The following RHBDF2 variants were observed in gnomAD, a reference collection of about 807,000 sequenced individuals.
RHBDF2 encodes the protein rhomboid 5 homolog 2.
RHBDF2 carries 38 observed loss-of-function variants against 95.2 expected under a neutral mutation model. The ratio of observed to expected loss-of-function variants is 0.40; its 90% CI spans 0.31 to 0.52. RHBDF2 has a LOEUF of 0.52. Ranked by LOEUF, RHBDF2 falls within the 20% of genes least tolerant of loss-of-function variation. The pLI is 0.56. For synonymous variants in RHBDF2, 442 were observed against 462.0 expected (o/e 0.96, Z 0.55); for missense variants, 863 against 1,137.7 (o/e 0.76, Z 3.47).
chr17:76,481,377 C>T lies in RHBDF2; in HGVS notation c.148G>A (p.Glu50Lys). 1 of 1,610,770 alleles carries T rather than the reference C, an allele frequency of 6.2e-7. No homozygotes were observed. Among genetic ancestry groups the T allele is most frequent in the Non-Finnish European group, 8.5e-7 (1 of 1,179,266 alleles). Residue 50 changes from glutamate (E) to lysine (K), a missense_variant and splice_region_variant, in exon 3 of 19, where the codon GAG becomes AAG. Glu to Lys is a moderately conservative substitution (Grantham distance 56). This residue lies in a region of RHBDF2 where 611 missense variants were observed against 725.5 expected (regional missense o/e 0.84). Coordinates refer to ENST00000675367, the MANE Select transcript of RHBDF2 (RefSeq NM_001005498.4). ...APGEQDSMLP[E>K]RKNPAYLKSV... ...AGCCCCCAGGCCAGCCCCCTTACCT[C>T]AGGCAGCATGCTGTCCTGCTCGCCA...
intron 1 of RHBDF2, among the ~76,000 whole-genome samples, chr17:76,491,310 G>A (rs2074293001): frequency 6.6e-6 from 1 of 152,186 alleles, no homozygotes; most frequent in South Asian, 2.1e-4. Flanking sequence ...GGCCATCCCA[G>A]CTGAGACCCC....
chr17:76,473,458 G>A (rs987990625), intron 15 of RHBDF2, 131 bp from the exon 16 acceptor site: 47 of 990,144 alleles, frequency 4.7e-5, no homozygotes, highest in Non-Finnish European at 5.2e-5. Context: ...CAGAACCTTC[G>A]ACTCTGGAGC....
chr17:76,485,325 C>T (rs1433409785), intron 2 of RHBDF2, among the ~76,000 whole-genome samples: 2 of 150,632 alleles, frequency 1.3e-5, no homozygotes, highest in East Asian at 3.9e-4. Context: ...GCAGGAGAAT[C>T]GCTTGAACCT....
In RHBDF2 at chr17:76,472,839, G is replaced by C; in HGVS notation, c.1911C>G (p.Gly637=). The C allele has an allele frequency of 6.3e-7, 1 of 1,587,494 alleles. No individual in the cohort carries two copies. ...RLWLSLFLHA[G]VVHCLVSVVF... The stretch of plus-strand genomic sequence containing the variant: ...CCACAGACACGAGGCAGTGCACCAC[G>C]CTGGGGGAGGGACACACCAGGCAGC... Residue 637 remains glycine, a splice_region_variant and synonymous_variant, in exon 18 of 19, where the codon GGC becomes GGG. Transcript: ENST00000675367.
At position 76,501,396 on chromosome 17, in the gene RHBDF2, C is replaced by A. The variant is rs569924131; in HGVS notation, c.-263G>T. The A allele has an allele frequency of 7.2e-5, 11 of 152,440 alleles. No homozygotes were observed. In the South Asian group the frequency reaches 2.0e-3, roughly 28 times the overall value. 9.4% of individuals were successfully genotyped at this position (152,440 alleles called of 1,614,324 possible). On this transcript the variant is annotated 5_prime_UTR_variant, in exon 1 of 19. Transcript: ENST00000675367. Reference sequence around the variant, plus strand: ...CCCCGGGACGCAACTCCGTGCGGCGCCTGCGAGCGGCTGGGCGGTGGCTCC... The same window carrying A: ...CCCCGGGACGCAACTCCGTGCGGCGACTGCGAGCGGCTGGGCGGTGGCTCC...
chr17:76,484,171 G>A (rs556313218), intron 2 of RHBDF2, among the ~76,000 whole-genome samples: 1 of 152,146 alleles, frequency 6.6e-6, no homozygotes, highest in Non-Finnish European at 1.5e-5. Flanking sequence ...GCTGAGGTAG[G>A]AGAATTGCTT....
Position 76,474,410 on chromosome 17 carries a change from T to A in RHBDF2, c.1427A>T (p.His476Leu), listed in dbSNP as rs759629234. ...CCGCTGGGTCTGGATGCATCCGGAG[T>A]GGTCATTCTGGACACAGCAGCCTGA... ...RDSGCCVQNDHSGCIQTQRKD... is the reference protein window; with the variant it reads ...RDSGCCVQNDLSGCIQTQRKD... Residue 476 changes from histidine to leucine, a missense_variant, in exon 12 of 19, where the codon CAC (histidine) becomes CTC (leucine). Physicochemically the swap from His to Leu is moderately conservative, Grantham distance 99. Coordinates refer to ENST00000675367, the MANE Select transcript of RHBDF2 (RefSeq NM_001005498.4). 26 of 1,613,286 alleles carry A rather than the reference T, an allele frequency of 1.6e-5. No homozygotes were observed. The South Asian group carries it at 2.6e-4, about 16-fold the overall frequency.
chr17:76,472,977 G>T, intron 17 of RHBDF2, 28 bp downstream of exon 17: 1 of 1,609,448 alleles, frequency 6.2e-7, no homozygotes, highest in South Asian at 1.1e-5. Flanking sequence ...ACAGGGGTCG[G>T]GTTCGGGGGC....
At chr17:76,498,951 G>A (rs2074508570) in intron 1 of RHBDF2, among the ~76,000 whole-genome samples, 1 of 151,948 alleles carries the variant, frequency 6.6e-6, no homozygotes, top group Non-Finnish European at 1.5e-5. Flanking sequence ...GGGGCTCTTG[G>A]GTGGGGCCTG....
At chr17:76,473,567 G>T in intron 15 of RHBDF2, 81 bp downstream of exon 15, 1 of 1,225,346 alleles carries the variant, frequency 8.2e-7, no homozygotes, top group Non-Finnish European at 1.2e-6. Flanking sequence ...GGGTGGTGAC[G>T]GTGGAGGAGC....
intron 2 of RHBDF2, among the ~76,000 whole-genome samples, chr17:76,483,334 G>A (rs2074026278): frequency 6.6e-6 from 1 of 151,050 alleles, no homozygotes; most frequent in Non-Finnish European, 1.5e-5. Context: ...CACCCAGATT[G>A]GAGTGCAGTG....
At chr17:76,493,349 C>G (rs2074353149) in intron 1 of RHBDF2, 1 of 152,340 alleles carries the variant, frequency 6.6e-6, no homozygotes, top group African/African-American at 2.4e-5. Flanking sequence ...TCTCCAGCCC[C>G]AGAGGCCCGG....
At chr17:76,479,906 G>C (rs1259305011) in intron 3 of RHBDF2, 52 bp from the exon 4 acceptor site, 1 of 1,603,054 alleles carries the variant, frequency 6.2e-7, no homozygotes, top group Admixed American at 1.7e-5. Flanking sequence ...CCCAGGTCCT[G>C]GGCTGGCTTT....
At chr17:76,474,865 C>T (rs113931747) in intron 10 of RHBDF2, 61 bp from the exon 11 acceptor site, 3 of 1,583,288 alleles carry the variant, frequency 1.9e-6, no homozygotes, top group African/African-American at 1.3e-5. Context: ...GCATGGGGAG[C>T]TGGGGCAGCT....
intron 3 of RHBDF2, 133 bp downstream of exon 3, chr17:76,481,242 G>A: frequency 3.8e-6 from 4 of 1,063,156 alleles, no homozygotes; most frequent in Non-Finnish European, 4.0e-6. Flanking sequence ...TAGGGCCCGA[G>A]TCAAGGGCTG....
rs1444177816 is a variant in RHBDF2 at position 76,472,814 on chromosome 17, CCA to C, written c.1934_1935del (p.Val645GlyfsTer155). 2.5e-6 allele frequency: 4 copies of C among 1,600,324 alleles called. No homozygotes were observed. The highest frequency in any genetic ancestry group is 3.4e-6 in the Non-Finnish European group (4 of 1,173,508). On this transcript the variant is annotated frameshift_variant, in exon 18 of 19. Coordinates refer to ENST00000675367, the MANE Select transcript of RHBDF2 (RefSeq NM_001005498.4). LOFTEE classifies it high-confidence loss of function. Reference protein sequence around the residue: ...HAGVVHCLVSVVFQMTILRDL... With the variant: ...HAGVVHCLVSXVFQMTILRDL... ...TCCCTCAGGATGGTCATTTGAAAGA[CCA>C]CAGACACGAGGCAGTGCACCACGCT...
At chr17:76,486,828 G>A (rs992221728) in intron 2 of RHBDF2, among the ~76,000 whole-genome samples, 4 of 152,020 alleles carry the variant, frequency 2.6e-5, no homozygotes, top group Admixed American at 6.6e-5. Flanking sequence ...GCCTCTGTCC[G>A]AGCCAGTCAC....
In RHBDF2 at chr17:76,471,878, C is replaced by T. The variant is rs1432553769; in HGVS notation, c.2239G>A (p.Gly747Ser). 7 of 1,585,602 alleles carry T rather than the reference C, an allele frequency of 4.4e-6. No homozygotes were observed. The highest frequency in any genetic ancestry group is 1.3e-5 in the African/African-American group (1 of 74,452). ...PWIDNIAHIF[G>S]FLSGLLLAFA... ...GCCAGCAGCAGGCCACTGAGGAAGCCGAAGATGTGGGCGATGTTGTCGATC... is the reference window on the plus strand; with the variant it reads ...GCCAGCAGCAGGCCACTGAGGAAGCTGAAGATGTGGGCGATGTTGTCGATC... Residue 747 changes from glycine to serine, a missense_variant, in exon 19 of 19, where the codon GGC becomes AGC. This residue lies in a region of RHBDF2 where 252 missense variants were observed against 412.2 expected (regional missense o/e 0.61). Transcript: ENST00000675367.
intron 11 of RHBDF2, 86 bp from the exon 12 acceptor site, chr17:76,474,620 C>A: frequency 6.2e-7 from 1 of 1,610,468 alleles, no homozygotes; most frequent in South Asian, 1.1e-5. Flanking sequence ...CCCGCAGAGT[C>A]TCCCCTGATG....
Sources: gnomAD v4.1 joint callset for allele counts (sites outside exome capture counted in the v4.1 genomes callset) on GRCh38, gnomAD v4.1.1 for gene constraint, gnomAD v4.1.1 regional missense constraint, MANE v1.5 for transcripts, NCBI Gene and HGNC (gene_info 2026-07-23, HGNC 2026-07-21) for gene names.